The following NUDT5 variants were observed in gnomAD, a reference collection of about 807,000 sequenced individuals.
The protein encoded by NUDT5 is nudix hydrolase 5.
Under a neutral mutation model 34.1 loss-of-function variants are expected in NUDT5, and 21 were observed. The ratio of observed to expected loss-of-function variants is 0.62; its 90% CI spans 0.44 to 0.89. NUDT5 has a LOEUF of 0.89. Ranked by LOEUF, NUDT5 falls within the 40% of genes least tolerant of loss-of-function variation. The pLI is 0.00. For missense variants in NUDT5, 249 were observed against 274.8 expected (o/e 0.91, Z 0.66); for synonymous variants, 85 against 97.6 (o/e 0.87, Z 0.76).
Position 12,166,908 on chromosome 10 carries a change from C to A in NUDT5, c.*794G>T, listed in dbSNP as rs1834712748. ...TATTGGGTTTCAGGTACTGGCTGAT[C>A]TTGCTGGTTCTGTTCATGGTTTAAC... is the stretch of plus-strand genomic sequence containing the variant. On this transcript the variant is annotated 3_prime_UTR_variant, in exon 10 of 10. Transcript: ENST00000491614. 3.1e-6 allele frequency: 1 copy of A among 319,150 alleles called. No individual in the cohort carries two copies. Among genetic ancestry groups the A allele is most frequent in the South Asian group, 2.6e-5 (1 of 38,202 alleles). The allele number at this position is 319,150 out of a possible 1,614,324, so 19.8% of individuals were successfully genotyped here.
In NUDT5 at chr10:12,173,905, C is replaced by T. The variant is rs989974628; in HGVS notation, c.290-92G>A. On this transcript the variant is annotated intron_variant, in intron 5 of 9. Coordinates refer to ENST00000491614, the MANE Select transcript of NUDT5 (RefSeq NM_014142.4). The surrounding 1 kb of genome is among the most constrained non-coding windows in gnomAD (Gnocchi z 4.7). ...TTTTTGAGATGGAGTCTCACTCTGT[C>T]GCCCAGGCTGGAGTGCAGTGGTGCG... 1.7e-5 allele frequency: 16 copies of T among 931,018 alleles called. No individual in the cohort carries two copies. The highest frequency in any genetic ancestry group is 1.0e-4 in the East Asian group (4 of 39,780). The allele number at this position is 931,018 out of a possible 1,614,324, so 57.7% of individuals were successfully genotyped here.
At chr10:12,185,968 C>G (rs1185826865) in intron 2 of NUDT5, among the ~76,000 whole-genome samples, 1 of 152,168 alleles carries the variant, frequency 6.6e-6, no homozygotes, top group Non-Finnish European at 1.5e-5. Context: ...CTTCTTCTAT[C>G]TAGGGAAATA....
chr10:12,167,128 G>C lies in NUDT5; in HGVS notation c.*574C>G, dbSNP rs1399770837. The C allele has an allele frequency of 6.3e-6, 1 of 158,792 alleles. No homozygotes were observed. The highest frequency in any genetic ancestry group is 6.0e-5 in the Admixed American group (1 of 16,554). 9.8% of individuals were successfully genotyped at this position (158,792 alleles called of 1,614,324 possible). A position where few individuals can be genotyped will look rare whatever the true frequency, so the allele number is the denominator to read the frequency against. ...AACCGTTTTCCTTACTTAAAAGCTG[G>C]TTCAGCCTCAGTAAATAGATGAACT... On this transcript the variant is annotated 3_prime_UTR_variant, in exon 10 of 10. Transcript: ENST00000491614.
At chr10:12,191,214 T>C (rs1363159957) in intron 1 of NUDT5, among the ~76,000 whole-genome samples, 3 of 151,892 alleles carry the variant, frequency 2.0e-5, no homozygotes, top group Admixed American at 6.5e-5. Context: ...AAACCCCATC[T>C]CTACTAAAAA....
rs1834798660 is a variant in NUDT5, at chr10:12,169,398, G to A, written c.550+1319C>T. 2.9e-6 allele frequency: 3 copies of A among 1,024,670 alleles called. No individual in the cohort carries two copies. The highest frequency in any genetic ancestry group is 3.3e-5 in the African/African-American group (2 of 61,224). The allele number at this position is 1,024,670 out of a possible 1,614,324, so 63.5% of individuals were successfully genotyped here. ...TTTCCACGCACCTCCTCAGAGGGAGGGGCTGTTATTGTTCCTGTTTTATGA... is the reference window on the plus strand; with the variant it reads ...TTTCCACGCACCTCCTCAGAGGGAGAGGCTGTTATTGTTCCTGTTTTATGA... On this transcript the variant is annotated intron_variant, in intron 9 of 9. Transcript: ENST00000491614. This position sits in a 1 kb window ranked among gnomAD's most constrained non-coding sequence, Gnocchi z 4.8.
At position 12,170,960 on chromosome 10, in the gene NUDT5, C is replaced by T. The variant is rs141285083; in HGVS notation, c.488-52G>A. 1.7e-4 allele frequency: 275 copies of T among 1,600,406 alleles called. No individual in the cohort carries two copies. The highest frequency in any genetic ancestry group is 1.2e-3 in the African/African-American group (89 of 74,674). Reference sequence around the variant, plus strand: ...TCAGCAAGGCCTGGAGTGGTAACATCGGAAGACTTTTATACAAGAGGCGTC... The same window carrying T: ...TCAGCAAGGCCTGGAGTGGTAACATTGGAAGACTTTTATACAAGAGGCGTC... On this transcript the variant is annotated intron_variant, in intron 7 of 9. Coordinates refer to ENST00000491614, the MANE Select transcript of NUDT5 (RefSeq NM_014142.4). This position sits in a 1 kb window ranked among gnomAD's most constrained non-coding sequence, Gnocchi z 4.9.
In NUDT5 at chr10:12,165,575, G is replaced by A. The variant is rs116269610; in HGVS notation, c.*2127C>T. On this transcript the variant is annotated 3_prime_UTR_variant, in exon 10 of 10. Transcript: ENST00000491614. ...AATCATATATGTGACTAACATTTGG[G>A]AGGAAACAGGAAAACAGTGGTCTCA... 1 of 159,310 alleles carries A rather than the reference G, an allele frequency of 6.3e-6. No homozygotes were observed. Among genetic ancestry groups the A allele is most frequent in the African/African-American group, 2.4e-5 (1 of 41,688 alleles). The allele number at this position is 159,310 out of a possible 1,614,324, so 9.9% of individuals were successfully genotyped here. A position where few individuals can be genotyped will look rare whatever the true frequency, so the allele number is the denominator to read the frequency against.
Position 12,171,057 on chromosome 10 carries a change from G to T in NUDT5, c.488-149C>A. On this transcript the variant is annotated intron_variant, in intron 7 of 9. Transcript: ENST00000491614. The surrounding 1 kb of genome is among the most constrained non-coding windows in gnomAD (Gnocchi z 4.2). ...AATTTATATACATTGTCAAACTCGA[G>T]CAGTATGAAGTTATTGTTCTCCACA... The T allele has an allele frequency of 1.3e-6, 1 of 797,572 alleles. No homozygotes were observed. The highest frequency in any genetic ancestry group is 2.7e-5 in the East Asian group (1 of 37,508). The allele number at this position is 797,572 out of a possible 1,614,324, so 49.4% of individuals were successfully genotyped here. A position where few individuals can be genotyped will look rare whatever the true frequency, so the allele number is the denominator to read the frequency against.
rs1835150325 is a variant in NUDT5 at position 12,187,547 on chromosome 10, C to T, written c.-41-1215G>A. 6.6e-6 allele frequency among the ~76,000 whole-genome samples: 1 copy of T among 152,128 alleles called. No individual in the cohort carries two copies. Among genetic ancestry groups the T allele is most frequent in the East Asian group, 1.9e-4 (1 of 5,200 alleles). On this transcript the variant is annotated intron_variant, in intron 1 of 9. Transcript: ENST00000491614. This position sits in a 1 kb window ranked among gnomAD's most constrained non-coding sequence, Gnocchi z 5.4. ...TTACCCACACACATGGTTGTTAATT[C>T]AGCTGTATATAGAATTATAGACCCA...
intron 5 of NUDT5, among the ~76,000 whole-genome samples, chr10:12,176,995 G>T (rs111513304): frequency 0.016 from 2,468 of 151,972 alleles, 73 homozygotes; most frequent in South Asian, 0.11. Flanking sequence ...GGTGACACAC[G>T]CCTGTAATCC....
Position 12,169,977 on chromosome 10 carries a change from T to TAGATG in NUDT5, c.550+735_550+739dup, listed in dbSNP as rs1313592635. 4 of 712,694 alleles carry TAGATG rather than the reference T, an allele frequency of 5.6e-6. No individual in the cohort carries two copies. The African/African-American group carries it at 7.1e-5, about 13-fold the overall frequency. 44.1% of individuals were successfully genotyped at this position (712,694 alleles called of 1,614,324 possible). A position where few individuals can be genotyped will look rare whatever the true frequency, so the allele number is the denominator to read the frequency against. On this transcript the variant is annotated intron_variant, in intron 9 of 9. Transcript: ENST00000491614. The surrounding 1 kb of genome is among the most constrained non-coding windows in gnomAD (Gnocchi z 4.8). ...ATGATGACAAGTGTCTGCTTCTTTC[T>TAGATG]AGATGAGTGAAAGGGATTTGCCAGC...
chr10:12,177,933 T>C, intron 4 of NUDT5, 33 bp from the exon 5 acceptor site: 2 of 1,525,178 alleles, frequency 1.3e-6, no homozygotes, highest in Non-Finnish European at 1.8e-6. Flanking sequence ...AGGAAATCCC[T>C]AATGAGAGGT....
At position 12,184,938 on chromosome 10, in the gene NUDT5, AT is replaced by A; in HGVS notation, c.81del (p.Lys27AsnfsTer23). 2.5e-6 allele frequency: 4 copies of A among 1,587,744 alleles called. No individual in the cohort carries two copies. The highest frequency in any genetic ancestry group is 3.5e-6 in the Non-Finnish European group (4 of 1,159,382). ...IISEELISEG[K>X]WVKLEKTTYM... ...TACGTTGTTTTTTCAAGCTTGACCC[AT>A]TTTCCTTCTGAAATTAACTAAAAGG... On this transcript the variant is annotated frameshift_variant, in exon 3 of 10. Coordinates refer to ENST00000491614, the MANE Select transcript of NUDT5 (RefSeq NM_014142.4). LOFTEE classifies it high-confidence loss of function.
chr10:12,177,627 T>C (rs907818551), intron 5 of NUDT5, among the ~76,000 whole-genome samples, 166 bp downstream of exon 5: 1 of 152,184 alleles, frequency 6.6e-6, no homozygotes, highest in African/African-American at 2.4e-5. Flanking sequence ...CAGAGGGTTG[T>C]TGGGGTGTCC....
rs1321792712 is a variant in NUDT5, at chr10:12,171,599, A to G, written c.488-691T>C. On this transcript the variant is annotated intron_variant, in intron 7 of 9. Transcript: ENST00000491614. This position sits in a 1 kb window ranked among gnomAD's most constrained non-coding sequence, Gnocchi z 4.2. ...TAGGAGATGAAATGCCAGATCATAT[A>G]ATAATTCTGTATCTAATATGCTGAG... Among the ~76,000 whole-genome samples the G allele has an allele frequency of 2.6e-5, 4 of 152,174 alleles. No homozygotes were observed. Among genetic ancestry groups the G allele is most frequent in the African/African-American group, 9.7e-5 (4 of 41,434 alleles).
At chr10:12,192,855 G>C (rs1206372843) in intron 1 of NUDT5, among the ~76,000 whole-genome samples, 1 of 148,970 alleles carries the variant, frequency 6.7e-6, no homozygotes, top group Non-Finnish European at 1.5e-5. Flanking sequence ...TGTCTCAAAA[G>C]AAAAAAAAAG....
In NUDT5 at chr10:12,179,134, T is replaced by C; in HGVS notation, c.132-2A>G. On this transcript the variant is annotated splice_acceptor_variant, in intron 3 of 9. Transcript: ENST00000491614. LOFTEE classifies it high-confidence loss of function. ...GTACGTTTCACTGATTCCCAAGTTC[T>C]GTTCAGGCAGAGAAGAAAAAAAAGT... 6.2e-7 allele frequency: 1 copy of C among 1,613,664 alleles called. No individual in the cohort carries two copies. Among genetic ancestry groups the C allele is most frequent in the Non-Finnish European group, 8.5e-7 (1 of 1,179,812 alleles).
chr10:12,173,434 C>T lies in NUDT5; in HGVS notation c.385+284G>A, dbSNP rs1168399764. ...GTCAGGCTGGTCTCGAACTCCTGACCTCAGGTGATCCACCTGCCTCGGCCT... is the reference window on the plus strand; with the variant it reads ...GTCAGGCTGGTCTCGAACTCCTGACTTCAGGTGATCCACCTGCCTCGGCCT... On this transcript the variant is annotated intron_variant, in intron 6 of 9. Coordinates refer to ENST00000491614, the MANE Select transcript of NUDT5 (RefSeq NM_014142.4). This position sits in a 1 kb window ranked among gnomAD's most constrained non-coding sequence, Gnocchi z 4.7. Among the ~76,000 whole-genome samples the T allele has an allele frequency of 2.6e-5, 4 of 152,146 alleles. No individual in the cohort carries two copies. Among genetic ancestry groups the T allele is most frequent in the Admixed American group, 1.3e-4 (2 of 15,276 alleles).
chr10:12,168,312 C>T lies in NUDT5; in HGVS notation c.551-501G>A, dbSNP rs1452790746. On this transcript the variant is annotated intron_variant, in intron 9 of 9. Coordinates refer to ENST00000491614, the MANE Select transcript of NUDT5 (RefSeq NM_014142.4). The surrounding 1 kb of genome is among the most constrained non-coding windows in gnomAD (Gnocchi z 4.8). The stretch of plus-strand genomic sequence containing the variant: ...GTGCTGGGATTACAGGCGTGAGCTA[C>T]CGCACCCAGCCAGGGATGATTTTAT... Among the ~76,000 whole-genome samples, 2 of 152,208 alleles carry T rather than the reference C, an allele frequency of 1.3e-5. No individual in the cohort carries two copies. The highest frequency in any genetic ancestry group is 4.8e-5 in the African/African-American group (2 of 41,452).
Sources: gnomAD v4.1 joint callset for allele counts (sites outside exome capture counted in the v4.1 genomes callset) on GRCh38, gnomAD v4.1.1 for gene constraint, Gnocchi (gnomAD v3.1) non-coding constraint, MANE v1.5 for transcripts, NCBI Gene and HGNC (gene_info 2026-07-23, HGNC 2026-07-21) for gene names.